PTPN14: variants seen among roughly 807,000 people sequenced by gnomAD.
PTPN14 encodes the protein tyrosine-protein phosphatase non-receptor type 14.
PTPN14 carries 53 observed loss-of-function variants against 126.8 expected under a neutral mutation model. That is an observed-to-expected ratio of 0.42 (90% CI 0.34 to 0.53). The LOEUF is 0.53. PTPN14 is among the 20% of genes least tolerant of loss of function. The probability of loss-of-function intolerance (pLI) is 0.08; values close to 1 mark genes in which losing one functional copy is unlikely to be tolerated. For synonymous variants in PTPN14, 630 were observed against 599.3 expected (o/e 1.05, Z -0.75); for missense variants, 1,257 against 1,552.9 (o/e 0.81, Z 3.20).
intron 1 of PTPN14, among the ~76,000 whole-genome samples, chr1:214,490,835 GA>G (rs1661214239): frequency 2.5e-5 from 1 of 40,142 alleles, no homozygotes; most frequent in Non-Finnish European, 4.5e-5. Flanking sequence ...AGACGGAAGG[GA>G]AAGGAAAGGA....
chr1:214,490,849 GGA>G (rs1368999325), intron 1 of PTPN14, among the ~76,000 whole-genome samples: 7 of 44,726 alleles, frequency 1.6e-4, no homozygotes, highest in African/African-American at 1.9e-4. Flanking sequence ...GGAAAGGAAA[GGA>G]AGGGAAGGGA....
chr1:214,432,613 GAAT>G (rs2102609036), intron 3 of PTPN14, among the ~76,000 whole-genome samples: 1 of 152,216 alleles, frequency 6.6e-6, no homozygotes, highest in Non-Finnish European at 1.5e-5. Context: ...TCCTTTGATA[GAAT>G]ATTAAGCAGC....
intron 13 of PTPN14, among the ~76,000 whole-genome samples, chr1:214,378,664 C>T (rs1658401939): frequency 6.6e-6 from 1 of 152,282 alleles, no homozygotes; most frequent in East Asian, 1.9e-4. Flanking sequence ...CTTGGAATAC[C>T]TAAGGGTGTG....
At chr1:214,521,491 T>C (rs59963897) in intron 1 of PTPN14, among the ~76,000 whole-genome samples, 5,172 of 152,242 alleles carry the variant, frequency 0.034, 270 homozygotes, top group African/African-American at 0.12. Context: ...AATGGGTGGA[T>C]CACCTGAGGT....
chr1:214,417,969 G>A (rs1659462444), intron 3 of PTPN14, among the ~76,000 whole-genome samples: 1 of 152,216 alleles, frequency 6.6e-6, no homozygotes, highest in Admixed American at 6.5e-5. Flanking sequence ...GTAAGTCACA[G>A]GATGGTGAAG....
Position 214,383,390 on chromosome 1 carries a change from T to C in PTPN14, c.2465A>G (p.Lys822Arg). ...DLTSVKERVK[K>R]EPVKERPVSE... Reference sequence around the variant, plus strand: ...CACAGGTCTCTCCTTCACAGGCTCTTTTTTGACCCGCTCCTTCACACTAGT... The same window carrying C: ...CACAGGTCTCTCCTTCACAGGCTCTCTTTTGACCCGCTCCTTCACACTAGT... Residue 822 changes from lysine to arginine, a missense_variant, in exon 13 of 19, where the codon AAA becomes AGA. Lys to Arg is a conservative substitution (Grantham distance 26). Coordinates refer to ENST00000366956, the MANE Select transcript of PTPN14 (RefSeq NM_005401.5). This position sits in a 1 kb window ranked among gnomAD's most constrained non-coding sequence, Gnocchi z 4.4. 6.2e-7 allele frequency: 1 copy of C among 1,614,206 alleles called. No individual in the cohort carries two copies. Among genetic ancestry groups the C allele is most frequent in the Non-Finnish European group, 8.5e-7 (1 of 1,180,028 alleles).
At chr1:214,447,543 C>T (rs1660173555) in intron 3 of PTPN14, among the ~76,000 whole-genome samples, 1 of 150,234 alleles carries the variant, frequency 6.7e-6, no homozygotes, top group African/African-American at 2.4e-5. Flanking sequence ...TTATTCTTTT[C>T]TTCCTAACAA....
At chr1:214,448,397 A>ATTTTTTTTTTTTTTTTTTTT (rs34637675) in intron 3 of PTPN14, among the ~76,000 whole-genome samples, 1 of 133,528 alleles carries the variant, frequency 7.5e-6, no homozygotes. Flanking sequence ...AGCCGGGCTA[A>ATTTTTTTTTTTTTTTTTTTT]TTTTTTTTTT....
chr1:214,390,814 T>A (rs192669049), intron 11 of PTPN14, among the ~76,000 whole-genome samples, 174 bp downstream of exon 11: 1 of 152,180 alleles, frequency 6.6e-6, no homozygotes, highest in South Asian at 2.1e-4. Context: ...TGGGCATGGA[T>A]GGGTCCAAGG....
intron 2 of PTPN14, among the ~76,000 whole-genome samples, chr1:214,453,062 G>C (rs191348191): frequency 6.6e-6 from 1 of 152,244 alleles, no homozygotes; most frequent in Non-Finnish European, 1.5e-5. Flanking sequence ...ACGTGCCCTT[G>C]CCTATATAAA....
chr1:214,364,110 C>T lies in PTPN14; in HGVS notation c.3435+402G>A, dbSNP rs1658016318. 6.6e-6 allele frequency among the ~76,000 whole-genome samples: 1 copy of T among 152,198 alleles called. No homozygotes were observed. Among genetic ancestry groups the T allele is most frequent in the African/African-American group, 2.4e-5 (1 of 41,460 alleles). ...TCCAAGTAGACACATTTTCACCTAGCATTTAGGCCAGAACACATCCTAGAA... is the reference window on the plus strand; with the variant it reads ...TCCAAGTAGACACATTTTCACCTAGTATTTAGGCCAGAACACATCCTAGAA... On this transcript the variant is annotated intron_variant, in intron 18 of 18. Transcript: ENST00000366956. The surrounding 1 kb of genome is among the most constrained non-coding windows in gnomAD (Gnocchi z 4.1).
chr1:214,526,466 C>T (rs536706763), intron 1 of PTPN14, among the ~76,000 whole-genome samples: 1 of 151,972 alleles, frequency 6.6e-6, no homozygotes, highest in East Asian at 1.9e-4. Context: ...AAAATATACA[C>T]TCCAAGGAGA....
At chr1:214,525,230 G>A (rs1655359354) in intron 1 of PTPN14, among the ~76,000 whole-genome samples, 1 of 152,178 alleles carries the variant, frequency 6.6e-6, no homozygotes, top group South Asian at 2.1e-4. Flanking sequence ...TTTTTCCACA[G>A]TGGAGCAAAA....
chr1:214,520,440 G>T (rs1013688819), intron 1 of PTPN14, among the ~76,000 whole-genome samples: 1 of 152,158 alleles, frequency 6.6e-6, no homozygotes, highest in Non-Finnish European at 1.5e-5. Flanking sequence ...TGGTGGAACA[G>T]AAGTTTTGAT....
chr1:214,475,397 T>C (rs1660846534), intron 1 of PTPN14, among the ~76,000 whole-genome samples: 1 of 152,176 alleles, frequency 6.6e-6, no homozygotes, highest in African/African-American at 2.4e-5. Context: ...TAAAGAACCA[T>C]CAATTGGGCA....
At chr1:214,522,243 C>G (rs1655279163) in intron 1 of PTPN14, among the ~76,000 whole-genome samples, 1 of 152,038 alleles carries the variant, frequency 6.6e-6, no homozygotes, top group East Asian at 1.9e-4. Context: ...CCTGAAGCTT[C>G]TTATATCATC....
At chr1:214,498,796 T>C (rs1206398347) in intron 1 of PTPN14, among the ~76,000 whole-genome samples, 1 of 152,202 alleles carries the variant, frequency 6.6e-6, no homozygotes, top group East Asian at 1.9e-4. Context: ...TTAAAATTTT[T>C]TTTTCCTGCG....
chr1:214,471,713 A>C (rs915477439), intron 1 of PTPN14, among the ~76,000 whole-genome samples: 24 of 152,350 alleles, frequency 1.6e-4, no homozygotes, highest in African/African-American at 5.8e-4. Context: ...TAGAATGCTG[A>C]ATCATGCATT....
intron 3 of PTPN14, among the ~76,000 whole-genome samples, chr1:214,429,417 T>C (rs528363126): frequency 1.3e-5 from 2 of 152,352 alleles, no homozygotes; most frequent in African/African-American, 4.8e-5. Flanking sequence ...GTAGCTGATT[T>C]TGATGATTCA....
Sources: gnomAD v4.1 joint callset for allele counts (sites outside exome capture counted in the v4.1 genomes callset) on GRCh38, gnomAD v4.1.1 for gene constraint, Gnocchi (gnomAD v3.1) non-coding constraint, MANE v1.5 for transcripts, NCBI Gene and HGNC (gene_info 2026-07-23, HGNC 2026-07-21) for gene names.